The following DACH1 variants were observed in gnomAD, a reference collection of about 807,000 sequenced individuals.
DACH1 encodes dachshund homolog 1.
Under a neutral mutation model 54.2 loss-of-function variants are expected in DACH1, and 12 were observed. That is an observed-to-expected ratio of 0.22 (90% CI 0.14 to 0.36). The LOEUF is 0.36. DACH1 is among the 10% of genes least tolerant of loss of function. DACH1 has a pLI of 1.00. For synonymous variants in DACH1, 386 were observed against 366.2 expected, an observed-to-expected ratio of 1.05 and a Z score of -0.62; for missense variants, 805 against 929.8, an observed-to-expected ratio of 0.87 and a Z score of 1.75.
At chr13:71,532,349 T>C (rs1160211148) in intron 6 of DACH1, among the ~76,000 whole-genome samples, 1 of 151,782 alleles carries the variant, frequency 6.6e-6, no homozygotes, top group Non-Finnish European at 1.5e-5. Context: ...GAAAAAAGAG[T>C]AAAGAGAAAT....
intron 6 of DACH1, among the ~76,000 whole-genome samples, chr13:71,535,274 TA>T (rs1882692238): frequency 6.6e-6 from 1 of 151,904 alleles, no homozygotes; most frequent in African/African-American, 2.4e-5. Context: ...TTTTAGATGT[TA>T]TTAGACATAC....
At chr13:71,442,572 CAG>C (rs1874100638) in intron 10 of DACH1, among the ~76,000 whole-genome samples, 1 of 152,106 alleles carries the variant, frequency 6.6e-6, no homozygotes, top group Admixed American at 6.6e-5. Context: ...ATTGAGTATA[CAG>C]AGTCCTCCCT....
At chr13:71,742,500 C>A (rs1375187843) in intron 1 of DACH1, among the ~76,000 whole-genome samples, 1 of 151,810 alleles carries the variant, frequency 6.6e-6, no homozygotes, top group Non-Finnish European at 1.5e-5. Context: ...AAATATGAGA[C>A]ATTCCTAAAA....
chr13:71,834,977 T>G (rs59752416), intron 1 of DACH1, among the ~76,000 whole-genome samples: 12,438 of 152,016 alleles, frequency 0.082, 1,563 homozygotes, highest in African/African-American at 0.27. Flanking sequence ...GGAGAGAAAT[T>G]TAGTGTTGAG....
chr13:71,829,578 C>T (rs1388342646), intron 1 of DACH1, among the ~76,000 whole-genome samples: 1 of 151,894 alleles, frequency 6.6e-6, no homozygotes, highest in Non-Finnish European at 1.5e-5. Context: ...TTTTAGGCTG[C>T]TCATCCATTA....
chr13:71,840,435 A>C (rs1872761947), intron 1 of DACH1, among the ~76,000 whole-genome samples: 1 of 152,142 alleles, frequency 6.6e-6, no homozygotes, highest in African/African-American at 2.4e-5. Flanking sequence ...TAATTATATC[A>C]CAGAGGGCCC....
chr13:71,805,619 A>T (rs543475607), intron 1 of DACH1, among the ~76,000 whole-genome samples: 1 of 152,252 alleles, frequency 6.6e-6, no homozygotes, highest in South Asian at 2.1e-4. Flanking sequence ...ATCCTTGTAA[A>T]TGTCAGAAAT....
At chr13:71,806,861 A>T (rs995220530) in intron 1 of DACH1, among the ~76,000 whole-genome samples, 25 of 152,198 alleles carry the variant, frequency 1.6e-4, no homozygotes, top group African/African-American at 5.5e-4. Flanking sequence ...AAATGTCATG[A>T]CTTTTTCATT....
intron 1 of DACH1, among the ~76,000 whole-genome samples, chr13:71,804,211 A>G (rs303933): frequency 0.52 from 79,671 of 151,872 alleles, 22,376 homozygotes; most frequent in East Asian, 0.86. Flanking sequence ...TACTTGGGAG[A>G]CTAAGGCAGG....
rs757298098 is a variant in DACH1, at chr13:71,630,643, T to G, written c.1039A>C (p.Ile347Leu). ...AIAEAMKVKK[I>L]KLEAMSNYHA... ...TAGTTGCTCATGGCTTCTAATTTGA[T>G]TTTTTTCACCTTCATTGCTTCAGCA... is the stretch of plus-strand genomic sequence containing the variant. Residue 347 changes from isoleucine (I) to leucine (L), a missense_variant, in exon 3 of 11, where the codon ATC becomes CTC. Ile to Leu is a conservative substitution (Grantham distance 5). Transcript: ENST00000613252. 3 of 1,612,116 alleles carry G rather than the reference T, an allele frequency of 1.9e-6. No homozygotes were observed. The highest frequency in any genetic ancestry group is 1.3e-5 in the African/African-American group (1 of 74,932).
intron 1 of DACH1, among the ~76,000 whole-genome samples, chr13:71,818,780 A>G (rs1319706536): frequency 6.6e-6 from 1 of 152,218 alleles, no homozygotes; most frequent in Non-Finnish European, 1.5e-5. Flanking sequence ...TCTCCTTTGG[A>G]GTGTGGACAA....
intron 10 of DACH1, among the ~76,000 whole-genome samples, chr13:71,473,303 T>G (rs958000733): frequency 6.6e-6 from 1 of 152,226 alleles, no homozygotes; most frequent in Non-Finnish European, 1.5e-5. Context: ...CTATGTATAA[T>G]TGTTGTACAA....
At chr13:71,510,414 A>C (rs1273476355) in intron 6 of DACH1, among the ~76,000 whole-genome samples, 1 of 152,000 alleles carries the variant, frequency 6.6e-6, no homozygotes, top group Non-Finnish European at 1.5e-5. Flanking sequence ...AAATGTTCAA[A>C]AAATGAACAC....
chr13:71,658,799 T>C (rs1485648668), intron 2 of DACH1, among the ~76,000 whole-genome samples: 1 of 152,188 alleles, frequency 6.6e-6, no homozygotes, highest in Non-Finnish European at 1.5e-5. Flanking sequence ...CAAAAATGTG[T>C]ACATAGTTTC....
chr13:71,660,328 A>C (rs988977216), intron 2 of DACH1, among the ~76,000 whole-genome samples: 3 of 152,112 alleles, frequency 2.0e-5, no homozygotes, highest in Non-Finnish European at 2.9e-5. Context: ...TCATAATTAT[A>C]TACAAGGGTT....
At chr13:71,824,808 A>C (rs769412682) in intron 1 of DACH1, among the ~76,000 whole-genome samples, 2 of 152,100 alleles carry the variant, frequency 1.3e-5, no homozygotes, top group Non-Finnish European at 2.9e-5. Context: ...CCTCTCATAA[A>C]GTCAATAAAG....
At chr13:71,638,563 T>G (rs1270922310) in intron 2 of DACH1, among the ~76,000 whole-genome samples, 1 of 152,210 alleles carries the variant, frequency 6.6e-6, no homozygotes, top group African/African-American at 2.4e-5. Flanking sequence ...CAGCCTTGTT[T>G]TTTTAATCTT....
chr13:71,549,790 A>C (rs1017730206), intron 6 of DACH1, among the ~76,000 whole-genome samples: 2 of 152,092 alleles, frequency 1.3e-5, no homozygotes, highest in African/African-American at 4.8e-5. Context: ...ATCAGAGGGA[A>C]TCTTGTTTGA....
At chr13:71,628,072 C>T (rs948416639) in intron 3 of DACH1, among the ~76,000 whole-genome samples, 2 of 151,962 alleles carry the variant, frequency 1.3e-5, no homozygotes, top group African/African-American at 4.8e-5. Context: ...TGCCATTTTT[C>T]AGATATGGAG....
Sources: gnomAD v4.1 joint callset for allele counts (sites outside exome capture counted in the v4.1 genomes callset) on GRCh38, gnomAD v4.1.1 for gene constraint, MANE v1.5 for transcripts, NCBI Gene and HGNC (gene_info 2026-07-23, HGNC 2026-07-21) for gene names.